Variants in UNC45A observed in about 807,000 individuals in gnomAD.
UNC45A encodes the protein protein unc-45 homolog A.
A neutral mutation model predicts 103.2 loss-of-function variants in UNC45A; 78 were observed. That is an observed-to-expected ratio of 0.76 (90% CI 0.63 to 0.91). The LOEUF (loss-of-function observed/expected upper bound fraction) is 0.91, where lower values mean the gene tolerates loss of function less well. Among genes scored for constraint, UNC45A ranks in the 40% least tolerant of loss-of-function variants. The pLI is 0.00. For synonymous variants in UNC45A, 495 were observed against 504.6 expected (o/e 0.98, Z 0.25); for missense variants, 1,193 against 1,224.8 (o/e 0.97, Z 0.39).
At chr15:90,931,539 C>G, upstream of UNC45A, 1 of 1,614,066 alleles carries the variant, frequency 6.2e-7, no homozygotes, top group South Asian at 1.1e-5. Flanking sequence ...TCCCCTTGGC[C>G]CAGCTATTGT....
chr15:90,935,505 G>A (rs959617928), intron 1 of UNC45A, 39 bp from the exon 2 acceptor site: 1 of 1,575,244 alleles, frequency 6.3e-7, no homozygotes, highest in African/African-American at 1.4e-5. Context: ...GCTCTGCCCC[G>A]AACCCCCTCC....
intron 6 of UNC45A, among the ~76,000 whole-genome samples, chr15:90,941,688 G>A (rs193248855): frequency 9.5e-4 from 144 of 152,118 alleles, no homozygotes; most frequent in African/African-American, 3.0e-3. Flanking sequence ...GGCCCGGCGC[G>A]GTGGCTCATG....
chr15:90,935,510 C>G, intron 1 of UNC45A, 34 bp from the exon 2 acceptor site: 1 of 1,577,550 alleles, frequency 6.3e-7, no homozygotes, highest in Non-Finnish European at 8.6e-7. Flanking sequence ...GCCCCGAACC[C>G]CCTCCGACGT....
At chr15:90,947,943 C>T in intron 11 of UNC45A, 53 bp downstream of exon 11, 1 of 1,548,864 alleles carries the variant, frequency 6.5e-7, no homozygotes, top group African/African-American at 1.4e-5. Flanking sequence ...GATCTCAAGA[C>T]ACAGGGGTCT....
chr15:90,935,288 G>A lies in UNC45A; in HGVS notation c.-37G>A. The A allele has an allele frequency of 6.3e-7, 1 of 1,583,986 alleles. No individual in the cohort carries two copies. Among genetic ancestry groups the A allele is most frequent in the Non-Finnish European group, 8.6e-7 (1 of 1,167,964 alleles). On this transcript the variant is annotated 5_prime_UTR_variant, in exon 1 of 20. Coordinates refer to ENST00000418476, the MANE Select transcript of UNC45A (RefSeq NM_018671.5). The stretch of plus-strand genomic sequence containing the variant: ...GAACCCAGACTCGCCCCGCCCCAGA[G>A]ACTGCGCCTGCGCGGGCACGAGACA...
In UNC45A at chr15:90,947,804, T is replaced by A. The variant is rs200119712; in HGVS notation, c.1509T>A (p.Cys503Ter). ...TTGCCCTCTTCCTCCAGGGACTCTG[T>A]AAGCTCGGTTCGGCTGGAGGGACTG... The part of the protein sequence containing the change: ...SIRIRALVGL[C>*]KLGSAGGTDF... Residue 503 changes from cysteine (C) to a stop codon, truncating the protein, a stop_gained, in exon 11 of 20, where the codon TGT becomes TGA. Transcript: ENST00000418476. LOFTEE classifies it high-confidence loss of function. 1.2e-6 allele frequency: 2 copies of A among 1,614,090 alleles called. No individual in the cohort carries two copies. Among genetic ancestry groups the A allele is most frequent in the Non-Finnish European group, 8.5e-7 (1 of 1,179,970 alleles).
rs1162555609 is a variant in UNC45A, at chr15:90,945,057, A to G, written c.1193A>G (p.Tyr398Cys). The G allele has an allele frequency of 6.2e-7, 1 of 1,612,650 alleles. No individual in the cohort carries two copies. Among genetic ancestry groups the G allele is most frequent in the Admixed American group, 1.7e-5 (1 of 59,936 alleles). The stretch of plus-strand genomic sequence containing the variant: ...AATTTCCACAGACTTTGTGAAAACT[A>G]CATCAAGTAAGGAAGTCTGTTTCAC... ...RENFHRLCENYIKSWFEGQGL... is the reference protein window; with the variant it reads ...RENFHRLCENCIKSWFEGQGL... Residue 398 changes from tyrosine to cysteine, a missense_variant, in exon 9 of 20, where the codon TAC (tyrosine) becomes TGC (cysteine). Transcript: ENST00000418476.
rs746711292 is a variant in UNC45A, at chr15:90,948,292, G to A, written c.1737+9G>A. ...TGTTCCAGCTCAGCAGGGTAGCTCT[G>A]TGGTTCCTGCCGTCAGCCTGGGGAC... On this transcript the variant is annotated intron_variant, in intron 12 of 19. Transcript: ENST00000418476. The A allele has an allele frequency of 2.5e-6, 4 of 1,613,068 alleles. No homozygotes were observed. The East Asian group carries it at 8.9e-5, about 36-fold the overall frequency.
At chr15:90,943,624 G>C (rs995098236) in intron 8 of UNC45A, among the ~76,000 whole-genome samples, 1 of 151,832 alleles carries the variant, frequency 6.6e-6, no homozygotes, top group Non-Finnish European at 1.5e-5. Flanking sequence ...TATCATATGC[G>C]TGTGCACATA....
At chr15:90,947,206 C>G (rs1013910639) in intron 10 of UNC45A, 2 of 388,936 alleles carry the variant, frequency 5.1e-6, no homozygotes, top group East Asian at 4.6e-5. Context: ...GATGAATGAA[C>G]GAGATTCTGG....
chr15:90,940,571 G>A lies in UNC45A; in HGVS notation c.687+98G>A, dbSNP rs550674520. ...CATCTGTCCATCCGCCCATCTGCCC[G>A]TCCATCCATCCATCCACTCTTCCAC... On this transcript the variant is annotated intron_variant, in intron 6 of 19. Coordinates refer to ENST00000418476, the MANE Select transcript of UNC45A (RefSeq NM_018671.5). 240 of 1,456,866 alleles carry A rather than the reference G, an allele frequency of 1.6e-4. No homozygotes were observed. The South Asian group carries it at 3.0e-3, about 18-fold the overall frequency. 90.2% of individuals were successfully genotyped at this position (1,456,866 alleles called of 1,614,324 possible). A position where few individuals can be genotyped will look rare whatever the true frequency, so the allele number is the denominator to read the frequency against.
chr15:90,931,964 C>G (rs1332333479), upstream of UNC45A: 3 of 1,613,728 alleles, frequency 1.9e-6, no homozygotes, highest in African/African-American at 2.7e-5. Context: ...AGTTCCCACT[C>G]AGCCCTGAGA....
In UNC45A at chr15:90,942,629, C is replaced by T. The variant is rs534581773; in HGVS notation, c.856+24C>T. 21 of 1,614,002 alleles carry T rather than the reference C, an allele frequency of 1.3e-5. 1 individual carries two copies. The South Asian group carries it at 2.3e-4, about 18-fold the overall frequency. On this transcript the variant is annotated intron_variant, in intron 7 of 19. Transcript: ENST00000418476. Reference sequence around the variant, plus strand: ...GGGTGAGTGGAAGCAGGTCTGGGGTCTTTTGGACGTTACTGTCATGGAAGG... The same window carrying T: ...GGGTGAGTGGAAGCAGGTCTGGGGTTTTTTGGACGTTACTGTCATGGAAGG...
chr15:90,933,064 C>G (rs928936977), upstream of UNC45A: 1 of 152,464 alleles, frequency 6.6e-6, no homozygotes, highest in Non-Finnish European at 1.5e-5. Flanking sequence ...GGGGAGTCTA[C>G]CTTTGGACCC....
chr15:90,932,015 TC>T (rs1167137803), upstream of UNC45A: 10 of 1,613,836 alleles, frequency 6.2e-6, no homozygotes, highest in Non-Finnish European at 8.5e-6. Context: ...GGGCCCCTAA[TC>T]CCCATCCCAG....
chr15:90,953,696 C>T lies in UNC45A; in HGVS notation c.2815C>T (p.Pro939Ser), dbSNP rs1181035925. ...DKAVEYGLIQ[P>S]NQDGE ...AGCAGTGGAATATGGGCTTATCCAA[C>T]CCAACCAAGATGGAGAGTGAGGGGG... Residue 939 changes from proline (P) to serine (S), a missense_variant, in exon 20 of 20, where the codon CCC (proline) becomes TCC (serine). By Grantham distance (74) the Pro-to-Ser change is moderately conservative. Transcript: ENST00000418476. 6.2e-7 allele frequency: 1 copy of T among 1,613,946 alleles called. No individual in the cohort carries two copies.
intron 15 of UNC45A, 70 bp from the exon 16 acceptor site, chr15:90,950,084 G>A: frequency 6.8e-7 from 1 of 1,465,954 alleles, no homozygotes; most frequent in Non-Finnish European, 9.3e-7. Context: ...CACGGTCAGG[G>A]CTGGGGAGCC....
At chr15:90,945,098 ATTCTAGCGAAAAAG>A (rs747452966) in intron 9 of UNC45A, 35 bp downstream of exon 9, 1 of 1,605,126 alleles carries the variant, frequency 6.2e-7, no homozygotes, top group South Asian at 1.1e-5. Context: ...GTTGCCAGGG[ATTCTAGCGAAAAAG>A]TTCTGACTCC....
chr15:90,940,352 A>G lies in UNC45A; in HGVS notation c.566A>G (p.Glu189Gly). 6.2e-7 allele frequency: 1 copy of G among 1,613,888 alleles called. No homozygotes were observed. The highest frequency in any genetic ancestry group is 1.7e-5 in the Admixed American group (1 of 59,998). Residue 189 changes from glutamate (E) to glycine (G), a missense_variant, in exon 6 of 20, where the codon GAG becomes GGG. Transcript: ENST00000418476. ...VVLAREDAGA[E>G]KIFRSNGVQL... ...CTGGCCAGGGAGGATGCTGGAGCGGAGAAGATCTTCCGGAGTAATGGGGTT... is the reference window on the plus strand; with the variant it reads ...CTGGCCAGGGAGGATGCTGGAGCGGGGAAGATCTTCCGGAGTAATGGGGTT...
Sources: gnomAD v4.1 joint callset for allele counts (sites outside exome capture counted in the v4.1 genomes callset) on GRCh38, gnomAD v4.1.1 for gene constraint, MANE v1.5 for transcripts, NCBI Gene and HGNC (gene_info 2026-07-23, HGNC 2026-07-21) for gene names.